ABR: variants seen among roughly 807,000 people sequenced by gnomAD.
ABR encodes active breakpoint cluster region-related protein.
In ABR, 35 loss-of-function variants were observed where a neutral mutation model predicts 107.2. That is an observed-to-expected ratio of 0.33 (90% CI 0.25 to 0.43). ABR has a LOEUF of 0.43. ABR is among the 20% of genes least tolerant of loss of function. ABR has a pLI of 1.00. For synonymous variants in ABR, 498 were observed against 462.0 expected (o/e 1.08, Z -1.00); for missense variants, 815 against 1,115.2 (o/e 0.73, Z 3.83).
chr17:1,224,175 C>A (rs2043172793), intron 1 of ABR, among the ~76,000 whole-genome samples: 1 of 152,024 alleles, frequency 6.6e-6, no homozygotes, highest in Non-Finnish European at 1.5e-5. Context: ...ACGCACCACC[C>A]AACACAGCTG....
Position 1,051,811 on chromosome 17 carries a change from G to A in ABR, c.1562-1177C>T, listed in dbSNP as rs998200216. ...TTCCTGGCCGGGCAAGGTGGCTCAC[G>A]CCTGTAAATCCCAGCACTTTGGGAG... On this transcript the variant is annotated intron_variant, in intron 14 of 22. Coordinates refer to ENST00000302538, the MANE Select transcript of ABR (RefSeq NM_021962.5). The surrounding 1 kb of genome is among the most constrained non-coding windows in gnomAD (Gnocchi z 4.3). Among the ~76,000 whole-genome samples the A allele has an allele frequency of 6.6e-6, 1 of 152,154 alleles. No homozygotes were observed. The highest frequency in any genetic ancestry group is 2.4e-5 in the African/African-American group (1 of 41,462).
At chr17:1,155,092 T>C (rs981125926) in intron 1 of ABR, 4 of 151,780 alleles carry the variant, frequency 2.6e-5, no homozygotes, top group Non-Finnish European at 1.5e-5. Context: ...TGAGGCCACT[T>C]GAGAGATGGT....
intron 1 of ABR, among the ~76,000 whole-genome samples, chr17:1,226,372 C>T (rs2043213884): frequency 6.6e-6 from 1 of 151,940 alleles, no homozygotes; most frequent in African/African-American, 2.4e-5. Flanking sequence ...TGGCAGTGTG[C>T]ACATGTATGT....
chr17:1,044,001 G>A (rs2031124513), intron 16 of ABR, among the ~76,000 whole-genome samples: 1 of 152,246 alleles, frequency 6.6e-6, no homozygotes, highest in Non-Finnish European at 1.5e-5. Flanking sequence ...AAACTGAGCT[G>A]TGGGGCCCCA....
chr17:1,180,541 G>A (rs1016139935), upstream of ABR, among the ~76,000 whole-genome samples: 2 of 152,224 alleles, frequency 1.3e-5, no homozygotes, highest in African/African-American at 4.8e-5. Flanking sequence ...GAAGTCACGG[G>A]GGCTGTGGGG....
At chr17:1,102,749 G>A (rs560681772) in intron 2 of ABR, among the ~76,000 whole-genome samples, 6 of 152,132 alleles carry the variant, frequency 3.9e-5, no homozygotes, top group East Asian at 3.9e-4. Flanking sequence ...TCCCTCTGTC[G>A]CCCAGGGCTG....
chr17:1,021,504 A>AT (rs2071629439), intron 16 of ABR, among the ~76,000 whole-genome samples: 1 of 152,176 alleles, frequency 6.6e-6, no homozygotes, highest in Non-Finnish European at 1.5e-5. Context: ...GCAGAGGTTC[A>AT]TAAAAAAAAG....
At position 1,152,546 on chromosome 17, in the gene ABR, G is replaced by A. The variant is rs962748317; in HGVS notation, c.61+27121C>T. The stretch of plus-strand genomic sequence containing the variant: ...GTGGAAGTTACAGTGAGCCGAGATC[G>A]CGCCACTGCACTCCAGCCTGGAGAA... On this transcript the variant is annotated intron_variant, in intron 1 of 22. Coordinates refer to ENST00000302538, the MANE Select transcript of ABR (RefSeq NM_021962.5). Among the ~76,000 whole-genome samples the A allele has an allele frequency of 5.3e-5, 8 of 151,478 alleles. No homozygotes were observed. The South Asian group carries it at 8.3e-4, about 16-fold the overall frequency.
chr17:1,183,406 C>T (rs1030726257), upstream of ABR, among the ~76,000 whole-genome samples: 162 of 152,184 alleles, frequency 1.1e-3, no homozygotes, highest in African/African-American at 3.9e-3. Flanking sequence ...AAGGGGATTT[C>T]ATGGTTGGGT....
At chr17:1,007,877 G>A (rs1472698311) in intron 21 of ABR, among the ~76,000 whole-genome samples, 6 of 152,246 alleles carry the variant, frequency 3.9e-5, no homozygotes, top group Non-Finnish European at 5.9e-5. Context: ...GGGGAGAAAG[G>A]CAGGCAGGGC....
intron 16 of ABR, among the ~76,000 whole-genome samples, chr17:1,024,842 T>A (rs1186636283): frequency 2.0e-5 from 3 of 150,462 alleles, no homozygotes; most frequent in Non-Finnish European, 3.0e-5. Flanking sequence ...CATTTAGGCC[T>A]GGCGCAGTGA....
rs148566079 is a variant in ABR at position 1,057,568 on chromosome 17, G to A, written c.1381+402C>T. Reference sequence around the variant, plus strand: ...AATTTTTGTGTTTTTAGTAGAGACGGGGTTTCACCACGTTGCCCAGGCTGA... The same window carrying A: ...AATTTTTGTGTTTTTAGTAGAGACGAGGTTTCACCACGTTGCCCAGGCTGA... On this transcript the variant is annotated intron_variant, in intron 12 of 22. Coordinates refer to ENST00000302538, the MANE Select transcript of ABR (RefSeq NM_021962.5). Among the ~76,000 whole-genome samples, 1,277 of 151,468 alleles carry A rather than the reference G, an allele frequency of 8.4e-3. 25 individuals are homozygous for A. Among genetic ancestry groups the A allele is most frequent in the African/African-American group, 0.03 (1,239 of 41,202 alleles).
chr17:1,158,296 A>G (rs1181040615), intron 1 of ABR, among the ~76,000 whole-genome samples: 2 of 151,762 alleles, frequency 1.3e-5, no homozygotes, highest in East Asian at 4.0e-4. Flanking sequence ...GAGTTTCGCC[A>G]TGTTGCCCAG....
rs368172568 is a variant in ABR, at chr17:1,037,013, ATCCT to A, written c.1791+13033_1791+13036del. On this transcript the variant is annotated intron_variant, in intron 16 of 22. Transcript: ENST00000302538. The surrounding 1 kb of genome is among the most constrained non-coding windows in gnomAD (Gnocchi z 4.6). Reference sequence around the variant, plus strand: ...CTTCCTTCCATCCTTCCTTCCTTCCATCCTTCCTTCCTTCCATCCATCCACCCAT... The same window carrying A: ...CTTCCTTCCATCCTTCCTTCCTTCCATCCTTCCTTCCATCCATCCACCCAT... Among the ~76,000 whole-genome samples, 183 of 151,088 alleles carry A rather than the reference ATCCT, an allele frequency of 1.2e-3. 1 individual carries two copies. The highest frequency in any genetic ancestry group is 3.8e-3 in the African/African-American group (158 of 41,070).
chr17:1,039,920 T>C (rs1056429032), intron 16 of ABR, among the ~76,000 whole-genome samples: 12 of 151,846 alleles, frequency 7.9e-5, no homozygotes, highest in African/African-American at 1.2e-4. Context: ...CAGGGAGCTA[T>C]GGGGGCTGTG....
chr17:1,014,881 A>G (rs535282113), intron 16 of ABR, among the ~76,000 whole-genome samples: 1 of 152,080 alleles, frequency 6.6e-6, no homozygotes, highest in South Asian at 2.1e-4. Context: ...TACACAAACA[A>G]GCTCTTCTTT....
chr17:1,217,758 A>T (rs1598145266), intron 1 of ABR, among the ~76,000 whole-genome samples: 2 of 152,062 alleles, frequency 1.3e-5, no homozygotes, highest in Non-Finnish European at 2.9e-5. Context: ...GCAGTGGTGC[A>T]ATCTCAGTTC....
intron 1 of ABR, among the ~76,000 whole-genome samples, chr17:1,211,050 C>A (rs1049606712): frequency 1.3e-5 from 2 of 152,134 alleles, no homozygotes; most frequent in Non-Finnish European, 2.9e-5. Flanking sequence ...GAGGCCAAGG[C>A]GGACGGATCA....
At chr17:1,085,903 T>A (rs1255129286) in intron 4 of ABR, among the ~76,000 whole-genome samples, 1 of 152,132 alleles carries the variant, frequency 6.6e-6, no homozygotes, top group African/African-American at 2.4e-5. Context: ...TCCCAGCACT[T>A]TGGGAGGCCG....
Sources: gnomAD v4.1 joint callset for allele counts (sites outside exome capture counted in the v4.1 genomes callset) on GRCh38, gnomAD v4.1.1 for gene constraint, Gnocchi (gnomAD v3.1) non-coding constraint, MANE v1.5 for transcripts, NCBI Gene and HGNC (gene_info 2026-07-23, HGNC 2026-07-21) for gene names.